Variants in IPMK observed in about 807,000 individuals in gnomAD.
IPMK encodes the protein inositol polyphosphate multikinase.
In IPMK, 17 loss-of-function variants were observed where a neutral mutation model predicts 45.8. The ratio of observed to expected loss-of-function variants is 0.37; its 90% CI spans 0.25 to 0.56. The LOEUF is 0.56. IPMK is among the 20% of genes least tolerant of loss of function. The probability of loss-of-function intolerance (pLI) is 0.79; values close to 1 mark genes in which losing one functional copy is unlikely to be tolerated. For missense variants in IPMK, 399 were observed against 498.0 expected (o/e 0.80, Z 1.89); for synonymous variants, 180 against 184.3 (o/e 0.98, Z 0.19).
Position 58,196,547 on chromosome 10 carries a change from T to A in IPMK, c.780A>T (p.Ser260=), listed in dbSNP as rs200416444. Residue 260 remains serine, a synonymous_variant, in exon 6 of 6, where the codon TCA becomes TCT. Transcript: ENST00000373935. ...TCAATTTTGTAGTGGTTGGCTGAGA[T>A]GAACCTTCATAAACAAAGAGTAATG... ...ASSLLFVYEG[S]SQPTTTKLND... 7.2e-5 allele frequency: 117 copies of A among 1,614,058 alleles called. No homozygotes were observed. Among genetic ancestry groups the A allele is most frequent in the Non-Finnish European group, 9.2e-5 (109 of 1,180,024 alleles).
intron 2 of IPMK, among the ~76,000 whole-genome samples, chr10:58,227,664 G>C (rs1387514805): frequency 6.6e-6 from 1 of 151,716 alleles, no homozygotes; most frequent in African/African-American, 2.4e-5. Context: ...GGTGATTTTT[G>C]CTTTTATCTT....
chr10:58,226,926 A>G, intron 3 of IPMK, 117 bp downstream of exon 3: 2 of 615,154 alleles, frequency 3.3e-6, no homozygotes, highest in South Asian at 2.2e-5. Context: ...AAAGCAAAAC[A>G]TATATATTTT....
Position 58,191,740 on chromosome 10 carries a change from G to C in IPMK, c.*4336C>G, listed in dbSNP as rs1837821551. The C allele has an allele frequency of 6.6e-6, 1 of 151,528 alleles. No homozygotes were observed. The highest frequency in any genetic ancestry group is 2.1e-4 in the South Asian group (1 of 4,822). 9.4% of individuals were successfully genotyped at this position (151,528 alleles called of 1,614,324 possible). A position where few individuals can be genotyped will look rare whatever the true frequency, so the allele number is the denominator to read the frequency against. On this transcript the variant is annotated 3_prime_UTR_variant, in exon 6 of 6. Transcript: ENST00000373935. Reference sequence around the variant, plus strand: ...AAGACATTTATACATTTAAACCAAAGTAACTGTGACTAAATACATTCATTC... The same window carrying C: ...AAGACATTTATACATTTAAACCAAACTAACTGTGACTAAATACATTCATTC...
chr10:58,196,523 C>G lies in IPMK; in HGVS notation c.804G>C (p.Leu268Phe), dbSNP rs2132140270. The change falls in exon 6 of 6, where the codon TTG (leucine) becomes TTC (phenylalanine). Residue 268 changes from leucine (L) to phenylalanine (F), a missense_variant. Leu to Phe is a conservative substitution (Grantham distance 22). This residue lies in a region of IPMK where 288 missense variants were observed against 398.0 expected (regional missense o/e 0.72). Transcript: ENST00000373935. ...EGSSQPTTTK[L>F]NDRTLAEKFL... ...ACTTTTCTGCCAAAGTTCTGTCATT[C>G]AATTTTGTAGTGGTTGGCTGAGATG... 4 of 1,614,008 alleles carry G rather than the reference C, an allele frequency of 2.5e-6. No homozygotes were observed. In the East Asian group the frequency reaches 8.9e-5, roughly 36 times the overall value.
intron 2 of IPMK, among the ~76,000 whole-genome samples, chr10:58,236,429 T>C (rs1342009176): frequency 3.3e-5 from 5 of 152,098 alleles, no homozygotes; most frequent in Non-Finnish European, 7.4e-5. Flanking sequence ...TGCATAGTAT[T>C]AAAAAATTAA....
intron 4 of IPMK, chr10:58,212,538 C>A (rs2153283): frequency 0.31 from 64,634 of 205,850 alleles, 12,708 homozygotes; most frequent in African/African-American, 0.61. Flanking sequence ...ATTTGTTAAC[C>A]CTTTTCCATT....
chr10:58,234,864 T>C (rs1047533865), intron 2 of IPMK, among the ~76,000 whole-genome samples: 2 of 152,038 alleles, frequency 1.3e-5, no homozygotes. Context: ...GAAACTACCA[T>C]CAGAGTGAAC....
chr10:58,264,874 C>T (rs144909338), intron 1 of IPMK, among the ~76,000 whole-genome samples: 2 of 151,846 alleles, frequency 1.3e-5, no homozygotes, highest in African/African-American at 4.8e-5. Context: ...AAAACAGAAC[C>T]GCGCTAATGT....
At chr10:58,208,029 C>A (rs929014903) in intron 4 of IPMK, among the ~76,000 whole-genome samples, 3 of 152,110 alleles carry the variant, frequency 2.0e-5, no homozygotes, top group Non-Finnish European at 4.4e-5. Context: ...CAAGCTCCAC[C>A]TCCCGGGTTC....
intron 1 of IPMK, among the ~76,000 whole-genome samples, chr10:58,258,115 C>T (rs1838999660): frequency 6.6e-6 from 1 of 151,770 alleles, no homozygotes; most frequent in Admixed American, 6.6e-5. Flanking sequence ...TCAAGACCAG[C>T]CTGGCCAACA....
intron 4 of IPMK, among the ~76,000 whole-genome samples, chr10:58,204,657 T>C (rs887340435): frequency 6.6e-5 from 10 of 152,004 alleles, no homozygotes; most frequent in Non-Finnish European, 1.5e-4. Flanking sequence ...TAGTTGGGTG[T>C]GATGGTGTAC....
intron 1 of IPMK, among the ~76,000 whole-genome samples, chr10:58,265,477 C>G (rs934273024): frequency 6.6e-6 from 1 of 152,052 alleles, no homozygotes; most frequent in Non-Finnish European, 1.5e-5. Context: ...AATTAGTGAC[C>G]ATCTTATCCA....
At chr10:58,241,099 C>G (rs1014250618) in intron 1 of IPMK, among the ~76,000 whole-genome samples, 1 of 152,120 alleles carries the variant, frequency 6.6e-6, no homozygotes, top group Non-Finnish European at 1.5e-5. Context: ...GACAGGAAAT[C>G]ATATGCAGTC....
chr10:58,253,912 G>A (rs1250474795), intron 1 of IPMK, among the ~76,000 whole-genome samples: 3 of 151,954 alleles, frequency 2.0e-5, no homozygotes, highest in African/African-American at 7.3e-5. Flanking sequence ...AAGCCATATT[G>A]GGGCTCCATT....
At chr10:58,230,165 T>A (rs1024744374) in intron 2 of IPMK, among the ~76,000 whole-genome samples, 4 of 152,178 alleles carry the variant, frequency 2.6e-5, no homozygotes, top group African/African-American at 4.8e-5. Context: ...TCGAACTGGG[T>A]GGAGCCCACT....
At chr10:58,228,512 C>T (rs1039025088) in intron 2 of IPMK, among the ~76,000 whole-genome samples, 1 of 152,142 alleles carries the variant, frequency 6.6e-6, no homozygotes, top group South Asian at 2.1e-4. Flanking sequence ...GGCAAGATAA[C>T]CTAAAAACCT....
At chr10:58,253,029 T>C (rs1442103656) in intron 1 of IPMK, among the ~76,000 whole-genome samples, 2 of 152,184 alleles carry the variant, frequency 1.3e-5, no homozygotes, top group Non-Finnish European at 2.9e-5. Flanking sequence ...CCCACCCAAA[T>C]CTTACCTTGA....
chr10:58,246,418 A>G (rs1838801223), intron 1 of IPMK, among the ~76,000 whole-genome samples: 1 of 139,134 alleles, frequency 7.2e-6, no homozygotes, highest in African/African-American at 3.1e-5. Context: ...ACAAGGCTAC[A>G]GTAACCAAAA....
At chr10:58,224,209 C>T (rs1435386438) in intron 3 of IPMK, among the ~76,000 whole-genome samples, 1 of 152,180 alleles carries the variant, frequency 6.6e-6, no homozygotes, top group African/African-American at 2.4e-5. Flanking sequence ...TGACTAGTAG[C>T]TAGCTCCAGA....
Sources: gnomAD v4.1 joint callset for allele counts (sites outside exome capture counted in the v4.1 genomes callset) on GRCh38, gnomAD v4.1.1 for gene constraint, gnomAD v4.1.1 regional missense constraint, MANE v1.5 for transcripts, NCBI Gene and HGNC (gene_info 2026-07-23, HGNC 2026-07-21) for gene names.